Variants in HADH observed in about 807,000 individuals in gnomAD.
HADH encodes hydroxyacyl-coenzyme A dehydrogenase, mitochondrial.
In HADH, 24 loss-of-function variants were observed where a neutral mutation model predicts 32.2. The ratio of observed to expected loss-of-function variants is 0.75; its 90% CI spans 0.54 to 1.05. The LOEUF (loss-of-function observed/expected upper bound fraction) is 1.05, where lower values mean the gene tolerates loss of function less well. Ranked by LOEUF, HADH falls within the 50% of genes least tolerant of loss-of-function variation. The pLI is 0.00. For synonymous variants in HADH, 139 were observed against 152.5 expected (o/e 0.91, Z 0.65); for missense variants, 350 against 397.1 (o/e 0.88, Z 1.01).
intron 1 of HADH, among the ~76,000 whole-genome samples, chr4:108,009,510 C>T (rs1735404794): frequency 6.6e-6 from 1 of 152,162 alleles, no homozygotes; most frequent in South Asian, 2.1e-4. Context: ...ACCATAGGGA[C>T]ACTTCTTAAC....
rs141789231 is a variant in HADH at position 108,018,945 on chromosome 4, C to T, written c.420-595C>T. Among the ~76,000 whole-genome samples, 8 of 152,200 alleles carry T rather than the reference C, an allele frequency of 5.3e-5. No homozygotes were observed. In the East Asian group the frequency reaches 1.5e-3, roughly 29 times the overall value. Reference sequence around the variant, plus strand: ...TATGCATATGCCTATATCCTCTTTTCCCCATATCTACCCATGTAACCTTAA... The same window carrying T: ...TATGCATATGCCTATATCCTCTTTTTCCCATATCTACCCATGTAACCTTAA... On this transcript the variant is annotated intron_variant, in intron 3 of 7. Transcript: ENST00000309522.
chr4:107,990,365 C>G (rs1342147732), intron 1 of HADH, among the ~76,000 whole-genome samples: 1 of 152,182 alleles, frequency 6.6e-6, no homozygotes, highest in Non-Finnish European at 1.5e-5. Context: ...GGAAGCGGGC[C>G]GTGCAAGAGA....
intron 6 of HADH, chr4:108,030,049 CA>C (rs1179256798): frequency 1.3e-5 from 2 of 152,382 alleles, no homozygotes; most frequent in African/African-American, 4.8e-5. Flanking sequence ...GCTCTGCTGG[CA>C]ACAGGCCTGG....
At chr4:108,013,125 G>C (rs1735560589) in intron 2 of HADH, among the ~76,000 whole-genome samples, 1 of 152,306 alleles carries the variant, frequency 6.6e-6, no homozygotes, top group African/African-American at 2.4e-5. Context: ...TGGAGACGGG[G>C]TTTCACCATG....
intron 6 of HADH, 68 bp from the exon 7 acceptor site, chr4:108,033,108 G>T (rs987080416): frequency 2.4e-5 from 20 of 820,922 alleles, no homozygotes; most frequent in Middle Eastern, 4.4e-4. Flanking sequence ...TAATTCTGGG[G>T]CTAATCCTGT....
At chr4:108,029,091 C>T (rs1342182315) in intron 6 of HADH, 3 of 389,850 alleles carry the variant, frequency 7.7e-6, no homozygotes, top group Non-Finnish European at 1.4e-5. Context: ...TCTGAAGTTG[C>T]TGGGTGTCCT....
At chr4:107,990,209 C>T (rs1734737560) in intron 1 of HADH, 145 bp downstream of exon 1, 1 of 849,136 alleles carries the variant, frequency 1.2e-6, no homozygotes, top group Admixed American at 2.6e-5. Context: ...GTTGAAATAT[C>T]TCGCGTCTGG....
intron 1 of HADH, chr4:108,004,999 T>C (rs1735248061): frequency 2.9e-6 from 3 of 1,039,214 alleles, no homozygotes; most frequent in Non-Finnish European, 4.2e-6. Flanking sequence ...CTGTATTCAG[T>C]TTAAATGTTT....
chr4:108,016,192 G>A (rs929293866), intron 3 of HADH, among the ~76,000 whole-genome samples: 4 of 152,170 alleles, frequency 2.6e-5, no homozygotes, highest in South Asian at 2.1e-4. Context: ...TGCTCTTCTA[G>A]TGACTTGTTT....
At chr4:108,032,558 A>G in intron 6 of HADH, 1 of 493,514 alleles carries the variant, frequency 2.0e-6, no homozygotes, top group South Asian at 3.8e-5. Flanking sequence ...ATTAAATTAT[A>G]CTTTAATAAA....
In HADH at chr4:107,996,555, T is replaced by G. The variant is rs1026610242; in HGVS notation, c.132+6491T>G. Among the ~76,000 whole-genome samples the G allele has an allele frequency of 2.6e-5, 4 of 152,122 alleles. No individual in the cohort carries two copies. In the South Asian group the frequency reaches 8.3e-4, roughly 32 times the overall value. On this transcript the variant is annotated intron_variant, in intron 1 of 7. Coordinates refer to ENST00000309522, the MANE Select transcript of HADH (RefSeq NM_005327.7). ...AGAAATACTTTTTGAAATGTAAAAT[T>G]CGAAGTCTAATAAAGGAGTCTGTCC...
intron 7 of HADH, 45 bp from the exon 8 acceptor site, chr4:108,034,194 T>G (rs1736375342): frequency 7.9e-7 from 1 of 1,266,098 alleles, no homozygotes; most frequent in African/African-American, 1.5e-5. Context: ...GATGTAAAAA[T>G]AAACCCAGCA....
intron 1 of HADH, among the ~76,000 whole-genome samples, chr4:107,994,337 C>A (rs987711298): frequency 6.6e-6 from 1 of 152,042 alleles, no homozygotes; most frequent in African/African-American, 2.4e-5. Flanking sequence ...GAGCCTGCTA[C>A]GTTGCAGGGA....
intron 6 of HADH, chr4:108,028,565 C>T (rs1475050684): frequency 6.6e-6 from 2 of 302,368 alleles, no homozygotes; most frequent in African/African-American, 2.1e-5. Flanking sequence ...GATGAAAGCA[C>T]ATTTGCTTCC....
At chr4:108,004,072 A>G (rs972669149) in intron 1 of HADH, among the ~76,000 whole-genome samples, 1 of 152,200 alleles carries the variant, frequency 6.6e-6, no homozygotes, top group Non-Finnish European at 1.5e-5. Flanking sequence ...TTCCAGGGTC[A>G]AGAAAGGCAT....
At chr4:107,999,547 A>G (rs1476389107) in intron 1 of HADH, among the ~76,000 whole-genome samples, 3 of 152,232 alleles carry the variant, frequency 2.0e-5, no homozygotes, top group East Asian at 3.9e-4. Context: ...CTTGATGCTT[A>G]CACAAAGTTT....
chr4:108,034,597 T>G lies in HADH; in HGVS notation c.*240T>G. ...ATTTCTGTGTATTTTCTAAACAGCT[T>G]TACACCCTTGGTGCCTTGGAGCAAA... is the stretch of plus-strand genomic sequence containing the variant. On this transcript the variant is annotated 3_prime_UTR_variant, in exon 8 of 8. Transcript: ENST00000309522. The G allele has an allele frequency of 2.2e-6, 1 of 451,994 alleles. No individual in the cohort carries two copies. Among genetic ancestry groups the G allele is most frequent in the Non-Finnish European group, 4.2e-6 (1 of 239,454 alleles). The allele number at this position is 451,994 out of a possible 1,614,324, so 28.0% of individuals were successfully genotyped here.
chr4:108,023,390 C>T (rs950717835), intron 4 of HADH, 84 bp from the exon 5 acceptor site: 6 of 818,924 alleles, frequency 7.3e-6, no homozygotes, highest in Non-Finnish European at 1.3e-5. Flanking sequence ...CTATATGGAG[C>T]CTTTTGATCA....
intron 7 of HADH, 114 bp downstream of exon 7, chr4:108,033,406 C>T (rs1736347521): frequency 5.4e-6 from 4 of 735,470 alleles, no homozygotes; most frequent in African/African-American, 1.7e-5. Context: ...TTCCAAAATC[C>T]TGCCTCACCA....
Sources: gnomAD v4.1 joint callset for allele counts (sites outside exome capture counted in the v4.1 genomes callset) on GRCh38, gnomAD v4.1.1 for gene constraint, MANE v1.5 for transcripts, NCBI Gene and HGNC (gene_info 2026-07-23, HGNC 2026-07-21) for gene names.